NCK2: variants seen among roughly 807,000 people sequenced by gnomAD.
NCK2 encodes the protein cytoplasmic protein NCK2.
NCK2 carries 16 observed loss-of-function variants against 33.9 expected under a neutral mutation model. The observed-to-expected ratio is 0.47, with a 90% CI of 0.32 to 0.72. NCK2 has a LOEUF of 0.72. Ranked by LOEUF, NCK2 falls within the 30% of genes least tolerant of loss-of-function variation. The probability of loss-of-function intolerance (pLI) is 0.03; values close to 1 mark genes in which losing one functional copy is unlikely to be tolerated. For missense variants in NCK2, 418 were observed against 537.3 expected (o/e 0.78, Z 2.19); for synonymous variants, 273 against 239.9 (o/e 1.14, Z -1.27).
intron 3 of NCK2, among the ~76,000 whole-genome samples, chr2:105,873,006 G>A (rs1678078375): frequency 6.6e-6 from 1 of 152,164 alleles, no homozygotes; most frequent in Non-Finnish European, 1.5e-5. Flanking sequence ...CCAGACCAGT[G>A]GCATCTGGTG....
chr2:105,774,145 A>G (rs1690227806), intron 1 of NCK2, among the ~76,000 whole-genome samples: 1 of 151,928 alleles, frequency 6.6e-6, no homozygotes, highest in South Asian at 2.1e-4. Context: ...AGTAGCTGAG[A>G]CTACAGGCAC....
chr2:105,847,817 G>A (rs1676909639), intron 2 of NCK2, among the ~76,000 whole-genome samples: 1 of 151,962 alleles, frequency 6.6e-6, no homozygotes, highest in South Asian at 2.1e-4. Context: ...AATGTATTCT[G>A]TTAGATGCTG....
At chr2:105,767,089 G>T (rs1425352880) in intron 1 of NCK2, among the ~76,000 whole-genome samples, 1 of 152,196 alleles carries the variant, frequency 6.6e-6, no homozygotes, top group East Asian at 1.9e-4. Context: ...CCAGTGCTGG[G>T]TTCCTGGTGC....
intron 2 of NCK2, among the ~76,000 whole-genome samples, chr2:105,819,035 T>G (rs1463148210): frequency 6.6e-6 from 1 of 152,226 alleles, no homozygotes; most frequent in African/African-American, 2.4e-5. Flanking sequence ...ATGTTATCTT[T>G]TGGAGAAAAT....
At chr2:105,873,726 AGAAAAC>A (rs980390968) in intron 3 of NCK2, among the ~76,000 whole-genome samples, 13 of 152,330 alleles carry the variant, frequency 8.5e-5, no homozygotes, top group African/African-American at 2.6e-4. Context: ...GGGGAAAAAA[AGAAAAC>A]GAAAAGTTGG....
At chr2:105,826,726 T>A (rs919831345) in intron 2 of NCK2, among the ~76,000 whole-genome samples, 1 of 152,166 alleles carries the variant, frequency 6.6e-6, no homozygotes, top group African/African-American at 2.4e-5. Flanking sequence ...TCTGGCCAAG[T>A]AAGTATCCTT....
intron 2 of NCK2, among the ~76,000 whole-genome samples, chr2:105,850,033 C>G (rs542142827): frequency 6.6e-6 from 1 of 152,160 alleles, no homozygotes; most frequent in African/African-American, 2.4e-5. Context: ...CCCTCTAAAG[C>G]ACTTTGTATT....
chr2:105,756,894 C>T (rs1007914215), intron 1 of NCK2, among the ~76,000 whole-genome samples: 3 of 152,188 alleles, frequency 2.0e-5, no homozygotes, highest in African/African-American at 2.4e-5. Context: ...AACCTCCCCC[C>T]TCCTGGGTTC....
rs571148377 is a variant in NCK2, at chr2:105,863,306, T to C, written c.226+8017T>C. On this transcript the variant is annotated intron_variant, in intron 3 of 4. Coordinates refer to ENST00000233154, the MANE Select transcript of NCK2 (RefSeq NM_003581.5). ...AGAGCTGTTCATCTCTGAAATGAAATGTGGGTAACAAATGCAGCAGCCTGG... is the reference window on the plus strand; with the variant it reads ...AGAGCTGTTCATCTCTGAAATGAAACGTGGGTAACAAATGCAGCAGCCTGG... Among the ~76,000 whole-genome samples, 47 of 152,156 alleles carry C rather than the reference T, an allele frequency of 3.1e-4. No individual in the cohort carries two copies. The South Asian group carries it at 8.5e-3, about 28-fold the overall frequency.
intron 1 of NCK2, among the ~76,000 whole-genome samples, chr2:105,801,453 A>G (rs893047855): frequency 1.3e-5 from 2 of 151,498 alleles, no homozygotes; most frequent in African/African-American, 4.9e-5. Context: ...CTATTTACAC[A>G]AAACCAGTGC....
At chr2:105,757,027 ACTC>A (rs1412412787) in intron 1 of NCK2, among the ~76,000 whole-genome samples, 3 of 151,322 alleles carry the variant, frequency 2.0e-5, no homozygotes, top group Non-Finnish European at 4.4e-5. Context: ...TTGGTCTTGA[ACTC>A]CTGACCTCGG....
At chr2:105,853,130 G>C (rs1170915362) in intron 2 of NCK2, among the ~76,000 whole-genome samples, 1 of 152,152 alleles carries the variant, frequency 6.6e-6, no homozygotes, top group African/African-American at 2.4e-5. Context: ...CTCTGTCAGG[G>C]AGGAAGGGGA....
intron 1 of NCK2, among the ~76,000 whole-genome samples, chr2:105,767,892 T>G (rs1689998833): frequency 6.6e-6 from 1 of 152,180 alleles, no homozygotes; most frequent in Non-Finnish European, 1.5e-5. Flanking sequence ...TACTAATTCC[T>G]TCCCTCTCTA....
At chr2:105,762,501 A>G (rs1689800480) in intron 1 of NCK2, among the ~76,000 whole-genome samples, 1 of 152,146 alleles carries the variant, frequency 6.6e-6, no homozygotes, top group Admixed American at 6.5e-5. Flanking sequence ...GTTCTGAGTG[A>G]TTTCCTAAAG....
At chr2:105,884,829 A>G (rs1183840820) in intron 4 of NCK2, among the ~76,000 whole-genome samples, 1 of 152,006 alleles carries the variant, frequency 6.6e-6, no homozygotes, top group South Asian at 2.1e-4. Flanking sequence ...TCTCTCATCT[A>G]CAATTGTCAT....
intron 1 of NCK2, among the ~76,000 whole-genome samples, chr2:105,754,451 G>A (rs7604409): frequency 6.6e-6 from 1 of 152,072 alleles, no homozygotes; most frequent in Non-Finnish European, 1.5e-5. Flanking sequence ...TAAGAATTTT[G>A]GTTGCGTGTT....
chr2:105,811,198 A>G (rs1179452881), intron 1 of NCK2, among the ~76,000 whole-genome samples: 3 of 150,208 alleles, frequency 2.0e-5, no homozygotes, highest in East Asian at 3.9e-4. Context: ...GCTTTCTTCT[A>G]TTATTTTAGT....
rs9646959 is a variant in NCK2 at position 105,795,734 on chromosome 2, G to C, written c.-200-20696G>C. 7.9e-5 allele frequency among the ~76,000 whole-genome samples: 12 copies of C among 152,022 alleles called. No individual in the cohort carries two copies. In the East Asian group the frequency reaches 2.1e-3, roughly 27 times the overall value. On this transcript the variant is annotated intron_variant, in intron 1 of 4. Transcript: ENST00000233154. ...GACAGCTCCACGACAAAGAATTACCGAAACGTCTGTATGCCCCTGGTGAGA... is the reference window on the plus strand; with the variant it reads ...GACAGCTCCACGACAAAGAATTACCCAAACGTCTGTATGCCCCTGGTGAGA...
rs1689221417 is a variant in NCK2 at position 105,745,008 on chromosome 2, C to G, written c.-331C>G. 7.2e-6 allele frequency: 1 copy of G among 139,588 alleles called. No individual in the cohort carries two copies. Among genetic ancestry groups the G allele is most frequent in the African/African-American group, 2.6e-5 (1 of 38,334 alleles). The allele number at this position is 139,588 out of a possible 1,614,324, so 8.6% of individuals were successfully genotyped here. On this transcript the variant is annotated 5_prime_UTR_variant, in exon 1 of 5. Coordinates refer to ENST00000233154, the MANE Select transcript of NCK2 (RefSeq NM_003581.5). ...CCGGGCCGGCAGGGTCCGCCCGGGC[C>G]GGCAGCGTCCGCCCGGCGGCGGGAG...
Sources: gnomAD v4.1 joint callset for allele counts (sites outside exome capture counted in the v4.1 genomes callset) on GRCh38, gnomAD v4.1.1 for gene constraint, MANE v1.5 for transcripts, NCBI Gene and HGNC (gene_info 2026-07-23, HGNC 2026-07-21) for gene names.